The following DDAH1 variants were observed in gnomAD, a reference collection of about 807,000 sequenced individuals.
DDAH1 encodes dimethylarginine dimethylaminohydrolase 1, also known as N(G),N(G)-dimethylarginine dimethylaminohydrolase 1.
A neutral mutation model predicts 28.8 loss-of-function variants in DDAH1; 19 were observed. The ratio of observed to expected loss-of-function variants is 0.66; its 90% CI spans 0.46 to 0.97. DDAH1 has a LOEUF of 0.97. DDAH1 is among the 50% of genes least tolerant of loss of function. The pLI is 0.00. For synonymous variants in DDAH1, 153 were observed against 154.4 expected (o/e 0.99, Z 0.07); for missense variants, 326 against 375.9 (o/e 0.87, Z 1.10).
At chr1:85,323,010 A>G (rs1011185918) in intron 5 of DDAH1, among the ~76,000 whole-genome samples, 1 of 151,990 alleles carries the variant, frequency 6.6e-6, no homozygotes, top group South Asian at 2.1e-4. Flanking sequence ...GAGATCCATT[A>G]CTCATCTAAG....
At chr1:85,478,575 C>T (rs1352495405) in intron 2 of DDAH1, among the ~76,000 whole-genome samples, 1 of 152,202 alleles carries the variant, frequency 6.6e-6, no homozygotes. Context: ...GGAAAACCCA[C>T]CCCCATGATT....
intron 1 of DDAH1, among the ~76,000 whole-genome samples, chr1:85,538,820 T>G (rs1269359850): frequency 6.6e-6 from 1 of 152,350 alleles, no homozygotes; most frequent in South Asian, 2.1e-4. Flanking sequence ...TTTGTGTTTA[T>G]GCTCACAAAT....
At chr1:85,504,164 G>A (rs920202781) in intron 1 of DDAH1, among the ~76,000 whole-genome samples, 1 of 152,196 alleles carries the variant, frequency 6.6e-6, no homozygotes, top group Admixed American at 6.5e-5. Flanking sequence ...CATAACCTAA[G>A]TAAGAGATGA....
chr1:85,419,023 T>C (rs563684849), intron 1 of DDAH1, among the ~76,000 whole-genome samples: 5 of 152,280 alleles, frequency 3.3e-5, no homozygotes, highest in African/African-American at 1.2e-4. Context: ...CAACTTTTCC[T>C]AGCTGGACAA....
chr1:85,558,230 C>T (rs751912984), intron 1 of DDAH1, among the ~76,000 whole-genome samples: 6 of 152,116 alleles, frequency 3.9e-5, no homozygotes, highest in East Asian at 1.9e-4. Context: ...GGCCTGATGG[C>T]GGGCACCTGT....
At chr1:85,471,565 C>T (rs1655621818) in intron 2 of DDAH1, among the ~76,000 whole-genome samples, 1 of 152,122 alleles carries the variant, frequency 6.6e-6, no homozygotes, top group African/African-American at 2.4e-5. Flanking sequence ...ACAGCATATA[C>T]AAAGGATCTG....
chr1:85,549,032 A>G (rs533941274), intron 1 of DDAH1, among the ~76,000 whole-genome samples: 2 of 152,292 alleles, frequency 1.3e-5, no homozygotes, highest in African/African-American at 4.8e-5. Context: ...GAAAAGACTT[A>G]GGCTAGAACT....
chr1:85,420,050 G>A (rs1467480930), intron 1 of DDAH1, among the ~76,000 whole-genome samples: 1 of 152,104 alleles, frequency 6.6e-6, no homozygotes, highest in East Asian at 1.9e-4. Flanking sequence ...CTGAGCTGCG[G>A]TTCGACCTGG....
intron 2 of DDAH1, among the ~76,000 whole-genome samples, chr1:85,492,063 C>T (rs959635): frequency 0.02 from 3,119 of 152,220 alleles, 105 homozygotes; most frequent in African/African-American, 0.071. Flanking sequence ...TAATGATCCT[C>T]ATTTTATGGA....
At position 85,454,918 on chromosome 1, in the gene DDAH1, G is replaced by C. The variant is rs1654819120; in HGVS notation, c.303+9825C>G. Among the ~76,000 whole-genome samples the C allele has an allele frequency of 2.0e-5, 3 of 152,150 alleles. No homozygotes were observed. In the South Asian group the frequency reaches 6.2e-4, roughly 32 times the overall value. Reference sequence around the variant, plus strand: ...GAAGCCTTAATGATGTTTAGTTTGAGAGTAACAAAAGACGAAAGTGAAGAA... The same window carrying C: ...GAAGCCTTAATGATGTTTAGTTTGACAGTAACAAAAGACGAAAGTGAAGAA... On this transcript the variant is annotated intron_variant, in intron 1 of 5. Transcript: ENST00000284031.
At chr1:85,509,840 G>T (rs1657160199) in intron 1 of DDAH1, among the ~76,000 whole-genome samples, 1 of 152,166 alleles carries the variant, frequency 6.6e-6, no homozygotes, top group Admixed American at 6.5e-5. Flanking sequence ...GTGACTATGT[G>T]AAAAGACCAA....
chr1:85,405,495 T>A (rs370835773), intron 1 of DDAH1, among the ~76,000 whole-genome samples: 6 of 152,314 alleles, frequency 3.9e-5, no homozygotes. Flanking sequence ...TCACACCTTA[T>A]TTTTTCTGTA....
At chr1:85,473,844 C>T (rs1557670730) in intron 2 of DDAH1, among the ~76,000 whole-genome samples, 1 of 152,172 alleles carries the variant, frequency 6.6e-6, no homozygotes, top group African/African-American at 2.4e-5. Flanking sequence ...TTACATGCTT[C>T]CTGCTTTGGA....
At position 85,464,647 on chromosome 1, in the gene DDAH1, G is replaced by C. The variant is rs1245029947; in HGVS notation, c.303+96C>G. 6 of 1,479,654 alleles carry C rather than the reference G, an allele frequency of 4.1e-6. No homozygotes were observed. Among genetic ancestry groups the C allele is most frequent in the Non-Finnish European group, 5.4e-6 (6 of 1,117,086 alleles). 91.7% of individuals were successfully genotyped at this position (1,479,654 alleles called of 1,614,324 possible). A position where few individuals can be genotyped will look rare whatever the true frequency, so the allele number is the denominator to read the frequency against. On this transcript the variant is annotated intron_variant, in intron 1 of 5. Coordinates refer to ENST00000284031, the MANE Select transcript of DDAH1 (RefSeq NM_012137.4). The surrounding 1 kb of genome is among the most constrained non-coding windows in gnomAD (Gnocchi z 4.4). ...ACGGGAAGTTGTGAACTACTAGCCCGAGGGCCAATGGCGCGACTCCCCAGG... is the reference window on the plus strand; with the variant it reads ...ACGGGAAGTTGTGAACTACTAGCCCCAGGGCCAATGGCGCGACTCCCCAGG...
intron 1 of DDAH1, among the ~76,000 whole-genome samples, chr1:85,427,182 C>A (rs571516112): frequency 9.9e-5 from 15 of 151,152 alleles, no homozygotes; most frequent in African/African-American, 3.2e-4. Flanking sequence ...GTCTCTGATT[C>A]TCATTTAAAC....
intron 1 of DDAH1, among the ~76,000 whole-genome samples, chr1:85,553,252 C>T (rs528596722): frequency 3.3e-5 from 5 of 152,302 alleles, no homozygotes; most frequent in African/African-American, 4.8e-5. Context: ...AGTAGAATCA[C>T]TCAGAGGAGG....
intron 1 of DDAH1, among the ~76,000 whole-genome samples, chr1:85,434,987 T>C (rs1056810763): frequency 2.6e-5 from 4 of 152,152 alleles, no homozygotes; most frequent in Non-Finnish European, 5.9e-5. Flanking sequence ...TACCCTTTTA[T>C]CTTGTTTTAT....
chr1:85,541,871 G>A (rs1461884371), intron 1 of DDAH1, among the ~76,000 whole-genome samples: 1 of 152,080 alleles, frequency 6.6e-6, no homozygotes, highest in Non-Finnish European at 1.5e-5. Context: ...CAGGAAGCAG[G>A]GTATCACCAC....
chr1:85,332,285 T>C (rs1352779473), intron 4 of DDAH1, among the ~76,000 whole-genome samples: 1 of 151,848 alleles, frequency 6.6e-6, no homozygotes, highest in Admixed American at 6.6e-5. Flanking sequence ...CACAGTAGAG[T>C]GGCAGGGTCT....
Sources: allele counts gnomAD v4.1 joint callset (sites outside exome capture counted in the v4.1 genomes callset), GRCh38; gene constraint gnomAD v4.1.1; non-coding constraint Gnocchi (gnomAD v3.1); transcripts MANE v1.5; gene names NCBI Gene and HGNC (gene_info 2026-07-23, HGNC 2026-07-21).